The following RPS24 variants were observed in gnomAD, a reference collection of about 807,000 sequenced individuals.
The protein encoded by RPS24 is ribosomal protein S24, also known as small ribosomal subunit protein eS24.
For missense variants in RPS24, 100 were observed against 162.5 expected, an observed-to-expected ratio of 0.62 and a Z score of 2.09; for synonymous variants, 72 against 55.6, an observed-to-expected ratio of 1.30 and a Z score of -1.31.
At chr10:78,053,513 C>T (rs2131995151) in intron 4 of RPS24, among the ~76,000 whole-genome samples, 1 of 152,312 alleles carries the variant, frequency 6.6e-6, no homozygotes, top group Non-Finnish European at 1.5e-5. Context: ...ATTTATGTGG[C>T]CCGTTTCCTT....
rs151246531 is a variant in RPS24 at position 78,037,292 on chromosome 10, T to G, written c.378T>G (p.Gly126=). ...KVRGTAKANV[G]AGKK is the part of the protein sequence containing the mutation. ...GGGGGACTGCAAAGGCCAATGTTGGTGCTGGCAAAAAGGTATAGTTCATTA... is the reference window on the plus strand; with the variant it reads ...GGGGGACTGCAAAGGCCAATGTTGGGGCTGGCAAAAAGGTATAGTTCATTA... Residue 126 remains glycine (G), a synonymous_variant, in exon 4 of 6, where the codon GGT becomes GGG. Transcript: ENST00000372360. The G allele has an allele frequency of 6.9e-5, 111 of 1,601,972 alleles. No homozygotes were observed. The African/African-American group carries it at 1.2e-3, about 17-fold the overall frequency.
intron 4 of RPS24, 192 bp downstream of exon 4, chr10:78,037,496 G>A (rs748754215): frequency 1.0e-4 from 90 of 895,380 alleles, no homozygotes; most frequent in Middle Eastern, 7.4e-4. Flanking sequence ...CAGTAAAGTA[G>A]CTTGGCCCAC....
rs188047840 is a variant in RPS24, at chr10:78,054,506, T to C, written c.391-25T>C. The C allele has an allele frequency of 7.1e-5, 108 of 1,511,144 alleles. No individual in the cohort carries two copies. The African/African-American group carries it at 1.2e-3, about 16-fold the overall frequency. 93.6% of individuals were successfully genotyped at this position (1,511,144 alleles called of 1,614,324 possible). On this transcript the variant is annotated intron_variant, in intron 4 of 4. Transcript: ENST00000440692. ...AGGCACCTGGACAATCCTCTGAGAC[T>C]ATTCTCTCCTTCCCGCTTTTGCAGA...
chr10:78,035,300 A>G, intron 1 of RPS24, 52 bp from the exon 2 acceptor site: 3 of 1,551,830 alleles, frequency 1.9e-6, no homozygotes, highest in South Asian at 1.1e-5. Context: ...AATCACAGCA[A>G]GGCCAAGAAA....
At chr10:78,039,902 A>C (rs568256482) in intron 4 of RPS24, 13 of 466,728 alleles carry the variant, frequency 2.8e-5, no homozygotes, top group African/African-American at 7.9e-5. Context: ...CTTCATTGAC[A>C]AGTGGGCAAG....
intron 4 of RPS24, chr10:78,039,787 A>C (rs1370538477): frequency 4.4e-6 from 1 of 229,100 alleles, no homozygotes; most frequent in African/African-American, 2.3e-5. Flanking sequence ...ACTCCCATTG[A>C]GGTTAAATTA....
At chr10:78,050,722 C>T (rs1848090757) in intron 4 of RPS24, among the ~76,000 whole-genome samples, 1 of 152,180 alleles carries the variant, frequency 6.6e-6, no homozygotes, top group East Asian at 1.9e-4. Context: ...GTAATTCTTC[C>T]ACTTCAGCCT....
intron 1 of RPS24, among the ~76,000 whole-genome samples, chr10:78,035,027 A>T (rs1040708902): frequency 6.6e-6 from 1 of 152,234 alleles, no homozygotes; most frequent in Non-Finnish European, 1.5e-5. Flanking sequence ...TAAAACATAC[A>T]GTCCCCACAA....
At position 78,034,724 on chromosome 10, in the gene RPS24, C is replaced by G. The variant is rs151182630; in HGVS notation, c.4-628C>G. On this transcript the variant is annotated intron_variant, in intron 1 of 5. Transcript: ENST00000372360. ...AGTTCAGTCCTTCAGAAGGGAATAT[C>G]GTTTTCTCTGATCTCTGCTATGGCC... is the stretch of plus-strand genomic sequence containing the variant. Among the ~76,000 whole-genome samples, 441 of 152,292 alleles carry G rather than the reference C, an allele frequency of 2.9e-3. 1 individual carries two copies. The highest frequency in any genetic ancestry group is 9.8e-3 in the African/African-American group (406 of 41,558).
intron 4 of RPS24, among the ~76,000 whole-genome samples, chr10:78,054,127 T>C (rs1011340322): frequency 3.3e-5 from 5 of 151,914 alleles, no homozygotes; most frequent in African/African-American, 1.2e-4. Context: ...GGAGTGCTGT[T>C]GGGCGAATGG....
chr10:78,033,913 C>G lies in RPS24; in HGVS notation c.3+9C>G, dbSNP rs775865079. ...GATAGATCGCCATCATGGTGAGTCT[C>G]CCTGGGCCCGTGCAGTCATCTGCCG... On this transcript the variant is annotated intron_variant, in intron 1 of 5. Transcript: ENST00000372360. 3.7e-6 allele frequency: 6 copies of G among 1,614,106 alleles called. No individual in the cohort carries two copies. The highest frequency in any genetic ancestry group is 5.1e-6 in the Non-Finnish European group (6 of 1,179,968).
intron 3 of RPS24, 129 bp downstream of exon 3, chr10:78,035,849 A>G (rs1847854411): frequency 1.2e-6 from 1 of 834,328 alleles, no homozygotes; most frequent in Non-Finnish European, 2.0e-6. Context: ...TAAGAGAAAA[A>G]GTTATTTCAT....
chr10:78,051,733 C>T (rs1054376519), intron 4 of RPS24, among the ~76,000 whole-genome samples: 3 of 152,172 alleles, frequency 2.0e-5, no homozygotes, highest in African/African-American at 7.2e-5. Flanking sequence ...TTGTTATTAT[C>T]TGTACTTGAT....
At chr10:78,053,266 G>A (rs1029815915) in intron 4 of RPS24, among the ~76,000 whole-genome samples, 1 of 152,140 alleles carries the variant, frequency 6.6e-6, no homozygotes, top group African/African-American at 2.4e-5. Flanking sequence ...GCTTCCTGTT[G>A]CTGGTGGTAC....
downstream of RPS24, among the ~76,000 whole-genome samples, chr10:78,043,427 A>G (rs1284871118): frequency 6.6e-6 from 1 of 152,218 alleles, no homozygotes; most frequent in African/African-American, 2.4e-5. Context: ...GAATGCAGTC[A>G]TCTGACTCCA....
chr10:78,033,999 C>G (rs1000616476), intron 1 of RPS24, 95 bp downstream of exon 1: 1 of 1,495,636 alleles, frequency 6.7e-7, no homozygotes, highest in Non-Finnish European at 9.3e-7. Flanking sequence ...ACGCGAAGCC[C>G]GGTTGCTCTT....
chr10:78,034,099 A>C (rs1238125748), intron 1 of RPS24, 195 bp downstream of exon 1: 2 of 647,638 alleles, frequency 3.1e-6, no homozygotes, highest in Non-Finnish European at 5.5e-6. Context: ...GTAGACCCGG[A>C]CACGCTGGGC....
chr10:78,052,687 G>A (rs1848111454), intron 4 of RPS24, among the ~76,000 whole-genome samples: 1 of 152,300 alleles, frequency 6.6e-6, no homozygotes, highest in Middle Eastern at 3.4e-3. Context: ...GCATCCTGAT[G>A]GGGGCTGCCT....
chr10:78,054,862 T>G (rs2131996148), exon 5 of RPS24: 7 of 1,550,300 alleles, frequency 4.5e-6, no homozygotes, highest in Non-Finnish European at 6.1e-6. Context: ...GGTGACTTGG[T>G]CCTCCACTTG....
Sources: gnomAD v4.1 joint callset for allele counts (sites outside exome capture counted in the v4.1 genomes callset) on GRCh38, gnomAD v4.1.1 for gene constraint, MANE v1.5 for transcripts, NCBI Gene and HGNC (gene_info 2026-07-23, HGNC 2026-07-21) for gene names.